IQUB: variants seen among roughly 807,000 people sequenced by gnomAD.
IQUB encodes the protein IQ motif and ubiquitin domain containing.
Under a neutral mutation model 86.4 loss-of-function variants are expected in IQUB, and 86 were observed. That is an observed-to-expected ratio of 1.00 (90% confidence interval 0.84 to 1.19). IQUB has a LOEUF of 1.19. IQUB is among the 50% of genes most tolerant of loss of function. IQUB has a pLI of 0.00. For missense variants in IQUB, 946 were observed against 916.9 expected (o/e 1.03, Z -0.41); for synonymous variants, 289 against 304.5 (o/e 0.95, Z 0.53).
At position 123,452,650 on chromosome 7, in the gene IQUB, A is replaced by T; in HGVS notation, c.*93T>A. On this transcript the variant is annotated 3_prime_UTR_variant, in exon 13 of 13. Transcript: ENST00000324698. ...AAAACAAAAAACAAAATCAATAAAC[A>T]GATTAAATTCCATTTCCATACTCTG... The T allele has an allele frequency of 1.3e-6, 1 of 747,082 alleles. No homozygotes were observed. The highest frequency in any genetic ancestry group is 2.0e-6 in the Non-Finnish European group (1 of 499,760). The allele number at this position is 747,082 out of a possible 1,614,324, so 46.3% of individuals were successfully genotyped here.
chr7:123,476,380 G>C (rs1338529504), intron 8 of IQUB, among the ~76,000 whole-genome samples: 2 of 152,172 alleles, frequency 1.3e-5, no homozygotes, highest in African/African-American at 2.4e-5. Flanking sequence ...CAATGCAAAA[G>C]GATCGAGAGC....
At chr7:123,510,935 T>C (rs1333678192) in intron 2 of IQUB, among the ~76,000 whole-genome samples, 1 of 152,104 alleles carries the variant, frequency 6.6e-6, no homozygotes, top group African/African-American at 2.4e-5. Context: ...ATTTGTGAAG[T>C]TCAGGAGGTA....
At chr7:123,454,757 CATT>C (rs1584537847) in intron 12 of IQUB, among the ~76,000 whole-genome samples, 1 of 152,078 alleles carries the variant, frequency 6.6e-6, no homozygotes, top group East Asian at 1.9e-4. Context: ...GTGTTTTCTT[CATT>C]ATTATTAGAC....
At chr7:123,516,080 C>T (rs1165042195) in intron 1 of IQUB, among the ~76,000 whole-genome samples, 2 of 152,042 alleles carry the variant, frequency 1.3e-5, no homozygotes, top group African/African-American at 4.8e-5. Flanking sequence ...TTATCCCTTA[C>T]TAGAAAGATG....
chr7:123,531,399 C>G (rs550320746), intron 1 of IQUB, among the ~76,000 whole-genome samples: 2 of 152,192 alleles, frequency 1.3e-5, no homozygotes, highest in East Asian at 3.9e-4. Context: ...CAACACCAAA[C>G]ACGACACATA....
intron 1 of IQUB, among the ~76,000 whole-genome samples, chr7:123,525,278 A>G (rs1350382797): frequency 6.6e-6 from 1 of 152,072 alleles, no homozygotes; most frequent in Non-Finnish European, 1.5e-5. Context: ...AAGGAATGGT[A>G]CCATTTCCTC....
intron 7 of IQUB, among the ~76,000 whole-genome samples, chr7:123,483,039 C>T (rs1262659038): frequency 2.6e-5 from 4 of 152,058 alleles, no homozygotes; most frequent in African/African-American, 9.7e-5. Context: ...TTTGGATTTT[C>T]TGAACTATTC....
At chr7:123,520,432 A>G (rs1796850040) in intron 1 of IQUB, among the ~76,000 whole-genome samples, 1 of 152,216 alleles carries the variant, frequency 6.6e-6, no homozygotes, top group Non-Finnish European at 1.5e-5. Flanking sequence ...GACTATCAGG[A>G]AAGAGTATGG....
intron 7 of IQUB, among the ~76,000 whole-genome samples, chr7:123,488,953 T>C (rs147810535): frequency 0.012 from 1,816 of 152,240 alleles, 16 homozygotes; most frequent in Middle Eastern, 0.027. Context: ...ATGTGGCAAT[T>C]TAAAAGAACT....
chr7:123,473,684 T>C (rs1189946672), intron 8 of IQUB, among the ~76,000 whole-genome samples: 1 of 151,928 alleles, frequency 6.6e-6, no homozygotes, highest in African/African-American at 2.4e-5. Context: ...CAAGTGATTC[T>C]CCTGCCTCAG....
chr7:123,512,793 C>A (rs139622730), intron 1 of IQUB, among the ~76,000 whole-genome samples: 2 of 152,096 alleles, frequency 1.3e-5, no homozygotes, highest in Non-Finnish European at 2.9e-5. Flanking sequence ...TCTGCTCTTA[C>A]AAATTGTAGC....
At chr7:123,501,640 A>G (rs1362507457) in intron 6 of IQUB, 1 of 152,166 alleles carries the variant, frequency 6.6e-6, no homozygotes, top group Non-Finnish European at 1.5e-5. Flanking sequence ...CAATTATACA[A>G]CCAAGGTGCT....
Position 123,521,087 on chromosome 7 carries a change from G to A in IQUB, c.-4-8743C>T, listed in dbSNP as rs376327210. ...CAGTTTGAAGTTCTGAGAAGATGTT[G>A]TCCTGGAAATTGGAGAGTCAGAAGT... On this transcript the variant is annotated intron_variant, in intron 1 of 12. Coordinates refer to ENST00000324698, the MANE Select transcript of IQUB (RefSeq NM_178827.5). Among the ~76,000 whole-genome samples, 8 of 152,126 alleles carry A rather than the reference G, an allele frequency of 5.3e-5. No homozygotes were observed. In the East Asian group the frequency reaches 5.8e-4, roughly 11 times the overall value.
intron 7 of IQUB, among the ~76,000 whole-genome samples, chr7:123,481,207 T>C (rs768853556): frequency 2.7e-4 from 41 of 152,112 alleles, no homozygotes; most frequent in Admixed American, 6.6e-4. Context: ...TTGTGCCACA[T>C]GGTATTCCTT....
Position 123,452,888 on chromosome 7 carries a change from T to G in IQUB, c.2231A>C (p.Lys744Thr), listed in dbSNP as rs758630152. ...AAAATAGTTCTTAGCCAGGATATGT[T>G]TGTGTTTGATCTTGTGAATAAATGA... The part of the protein sequence containing the change: ...ERSFIHKIKH[K>T]HILAKNYFSQ... The change falls in exon 13 of 13, where the codon AAA becomes ACA. Residue 744 changes from lysine (K) to threonine (T), a missense_variant. By Grantham distance (78) the Lys-to-Thr change is moderately conservative. Coordinates refer to ENST00000324698, the MANE Select transcript of IQUB (RefSeq NM_178827.5). 6.2e-7 allele frequency: 1 copy of G among 1,613,086 alleles called. No individual in the cohort carries two copies. Among genetic ancestry groups the G allele is most frequent in the East Asian group, 2.2e-5 (1 of 44,846 alleles).
intron 3 of IQUB, among the ~76,000 whole-genome samples, chr7:123,504,814 T>C (rs963474234): frequency 6.6e-6 from 1 of 152,176 alleles, no homozygotes; most frequent in Non-Finnish European, 1.5e-5. Flanking sequence ...TGTCCTCACA[T>C]TGCAAAATAC....
chr7:123,496,707 T>C lies in IQUB; in HGVS notation c.1223A>G (p.Asn408Ser), dbSNP rs1209858791. The C allele has an allele frequency of 4.4e-6, 7 of 1,595,438 alleles. No homozygotes were observed. Among genetic ancestry groups the C allele is most frequent in the Non-Finnish European group, 6.0e-6 (7 of 1,167,540 alleles). ...TGTGTCCAACTTACATTCTAATGCA[T>C]TATAAAGAAATTCAAAATCTTCATT... ...KTNEDFEFLY[N>S]ALEFWRQEEL... Residue 408 changes from asparagine (N) to serine (S), a missense_variant, in exon 7 of 13, where the codon AAT becomes AGT. Transcript: ENST00000324698.
chr7:123,528,621 G>A (rs1313663869), intron 1 of IQUB, among the ~76,000 whole-genome samples: 1 of 152,088 alleles, frequency 6.6e-6, no homozygotes, highest in African/African-American at 2.4e-5. Flanking sequence ...AGGGGTCCTG[G>A]TGATGAAGAA....
intron 12 of IQUB, among the ~76,000 whole-genome samples, chr7:123,455,004 T>C (rs1363574510): frequency 6.6e-6 from 1 of 152,188 alleles, no homozygotes; most frequent in Non-Finnish European, 1.5e-5. Flanking sequence ...TAGAGAGTTA[T>C]TCTCCATCTC....
Sources: allele counts gnomAD v4.1 joint callset (sites outside exome capture counted in the v4.1 genomes callset), GRCh38; gene constraint gnomAD v4.1.1; transcripts MANE v1.5; gene names NCBI Gene and HGNC (gene_info 2026-07-23, HGNC 2026-07-21).